FBRSL1: variants seen among roughly 807,000 people sequenced by gnomAD.
FBRSL1 encodes fibrosin-1-like protein.
In FBRSL1, 51 loss-of-function variants were observed where a neutral mutation model predicts 89.6. The observed-to-expected ratio is 0.57, with a 90% CI of 0.45 to 0.72. The LOEUF (loss-of-function observed/expected upper bound fraction) is 0.72, where lower values mean the gene tolerates loss of function less well. Among genes scored for constraint, FBRSL1 ranks in the 30% least tolerant of loss-of-function variants. The pLI, the probability that FBRSL1 is intolerant of heterozygous loss-of-function variation, is 0.00. For missense variants in FBRSL1, 1,618 were observed against 1,451.8 expected (o/e 1.11, Z -1.86); for synonymous variants, 779 against 681.1 (o/e 1.14, Z -2.24).
rs2037722117 is a variant in FBRSL1, at chr12:132,546,733, G to A, written c.616-1270G>A. ...CCCCCCCCACAGGCCCACCCCAGCT[G>A]CCCAGCTTCCCCAGGGGTCCCAGCT... On this transcript the variant is annotated intron_variant, in intron 4 of 18. Coordinates refer to ENST00000680143, the MANE Select transcript of FBRSL1 (RefSeq NM_001367871.1). The surrounding 1 kb of genome is among the most constrained non-coding windows in gnomAD (Gnocchi z 4.0). Among the ~76,000 whole-genome samples, 1 of 152,212 alleles carries A rather than the reference G, an allele frequency of 6.6e-6. No homozygotes were observed. The highest frequency in any genetic ancestry group is 2.1e-4 in the South Asian group (1 of 4,834).
At chr12:132,522,928 AG>A (rs771996779) in intron 2 of FBRSL1, among the ~76,000 whole-genome samples, 2 of 151,658 alleles carry the variant, frequency 1.3e-5, no homozygotes, top group South Asian at 2.1e-4. Context: ...TTGTCACTCT[AG>A]GGGGGGCAGG....
At chr12:132,515,225 C>G (rs1251752146) in intron 2 of FBRSL1, among the ~76,000 whole-genome samples, 1 of 152,144 alleles carries the variant, frequency 6.6e-6, no homozygotes. Flanking sequence ...ACAGACAAAC[C>G]AGACACACCA....
intron 10 of FBRSL1, 25 bp downstream of exon 10, chr12:132,572,369 G>GCGTGT: frequency 6.5e-7 from 1 of 1,550,258 alleles, no homozygotes; most frequent in Non-Finnish European, 8.7e-7. Flanking sequence ...GGGGCCCGGC[G>GCGTGT]CGTGTCGCTG....
intron 2 of FBRSL1, among the ~76,000 whole-genome samples, chr12:132,524,214 C>T (rs1297249107): frequency 6.6e-6 from 1 of 152,222 alleles, no homozygotes; most frequent in African/African-American, 2.4e-5. Flanking sequence ...CCTGTGAGGG[C>T]TACTGTGCAG....
chr12:132,562,573 C>CCCTG (rs1354702068), intron 5 of FBRSL1, among the ~76,000 whole-genome samples: 4 of 149,520 alleles, frequency 2.7e-5, no homozygotes, highest in Non-Finnish European at 5.9e-5. Context: ...GGACCCCGAC[C>CCCTG]CCGGGGACCG....
At chr12:132,511,616 C>T (rs1435685956) in intron 2 of FBRSL1, 27 of 985,512 alleles carry the variant, frequency 2.7e-5, no homozygotes, top group South Asian at 9.4e-5. Context: ...TGGACCCCTG[C>T]GCCACGTGAC....
At chr12:132,500,499 G>A (rs1189000782) in intron 1 of FBRSL1, among the ~76,000 whole-genome samples, 2 of 152,146 alleles carry the variant, frequency 1.3e-5, no homozygotes, top group African/African-American at 4.8e-5. Flanking sequence ...TCCCCCATAG[G>A]GCCAGCCGGT....
chr12:132,528,027 TG>T, intron 4 of FBRSL1, 39 bp downstream of exon 4: 1 of 1,545,988 alleles, frequency 6.5e-7, no homozygotes, highest in Non-Finnish European at 8.8e-7. Context: ...TTTGTCCCCC[TG>T]GGGCCTTAGG....
chr12:132,574,790 C>A (rs1459010068), intron 14 of FBRSL1, among the ~76,000 whole-genome samples: 1 of 152,112 alleles, frequency 6.6e-6, no homozygotes, highest in Non-Finnish European at 1.5e-5. Flanking sequence ...GCCCTCTCCT[C>A]GGCAAGGTGT....
Position 132,570,203 on chromosome 12 carries a change from C to G in FBRSL1, c.969C>G (p.Gly323=). The G allele has an allele frequency of 6.6e-7, 1 of 1,504,818 alleles. No individual in the cohort carries two copies. The highest frequency in any genetic ancestry group is 8.8e-7 in the Non-Finnish European group (1 of 1,135,140). The allele number at this position is 1,504,818 out of a possible 1,614,324, so 93.2% of individuals were successfully genotyped here. A position where few individuals can be genotyped will look rare whatever the true frequency, so the allele number is the denominator to read the frequency against. ...HVPASLGAFA[G]HSQAAANGLH... is the part of the protein sequence containing the mutation. ...CTGCATCCCTGGGCGCCTTCGCGGGCCACAGCCAGGCGGCAGCCAACGGCC... is the reference window on the plus strand; with the variant it reads ...CTGCATCCCTGGGCGCCTTCGCGGGGCACAGCCAGGCGGCAGCCAACGGCC... The change falls in exon 7 of 19, where the codon GGC becomes GGG. Residue 323 remains glycine, a synonymous_variant. Transcript: ENST00000680143.
intron 4 of FBRSL1, among the ~76,000 whole-genome samples, chr12:132,534,754 C>A (rs374302783): frequency 6.6e-6 from 1 of 152,240 alleles, no homozygotes; most frequent in East Asian, 1.9e-4. Flanking sequence ...TGGCTCAAGG[C>A]CCAGGCAGCT....
intron 4 of FBRSL1, among the ~76,000 whole-genome samples, chr12:132,537,849 C>T (rs1463827946): frequency 2.0e-5 from 3 of 152,220 alleles, no homozygotes; most frequent in Non-Finnish European, 2.9e-5. Flanking sequence ...ATGTTCTCAA[C>T]AGACAAGACC....
Position 132,563,543 on chromosome 12 carries a change from TC to T in FBRSL1, c.646-3936del, listed in dbSNP as rs745671355. Among the ~76,000 whole-genome samples, 257 of 152,216 alleles carry T rather than the reference TC, an allele frequency of 1.7e-3. 2 individuals are homozygous for T. Among genetic ancestry groups the T allele is most frequent in the Middle Eastern group, 0.01 (3 of 294 alleles). ...TTCTCATTGCGCTCTTGGATCTCCT[TC>T]CGTCTGTCCGTTTGCCTGTCCGTCT... On this transcript the variant is annotated intron_variant, in intron 5 of 18. Coordinates refer to ENST00000680143, the MANE Select transcript of FBRSL1 (RefSeq NM_001367871.1).
chr12:132,560,408 G>A (rs572734738), intron 5 of FBRSL1, among the ~76,000 whole-genome samples: 199 of 151,902 alleles, frequency 1.3e-3, no homozygotes, highest in African/African-American at 4.7e-3. Context: ...CGTGGCGGCG[G>A]GCGGGCGGGG....
chr12:132,497,525 C>T (rs2032236150), intron 1 of FBRSL1, among the ~76,000 whole-genome samples: 1 of 152,104 alleles, frequency 6.6e-6, no homozygotes. Flanking sequence ...TCCGGACTCC[C>T]CCTCCATACT....
At chr12:132,540,870 C>T (rs2037201113) in intron 4 of FBRSL1, among the ~76,000 whole-genome samples, 1 of 152,220 alleles carries the variant, frequency 6.6e-6, no homozygotes, top group Non-Finnish European at 1.5e-5. Flanking sequence ...AGCTCCAGGC[C>T]CTTGCTGAGT....
chr12:132,519,387 C>T (rs185863646), intron 2 of FBRSL1, among the ~76,000 whole-genome samples: 39 of 152,296 alleles, frequency 2.6e-4, no homozygotes, highest in Non-Finnish European at 4.0e-4. Context: ...TGGTGTTAGC[C>T]TGGAGGAGGG....
chr12:132,574,982 C>T (rs2040284983), intron 14 of FBRSL1, among the ~76,000 whole-genome samples: 1 of 151,958 alleles, frequency 6.6e-6, no homozygotes, highest in Non-Finnish European at 1.5e-5. Context: ...TGATGTGCAC[C>T]TGGGAAGGCT....
intron 2 of FBRSL1, among the ~76,000 whole-genome samples, chr12:132,525,234 G>A (rs1420332622): frequency 6.6e-6 from 1 of 152,260 alleles, no homozygotes; most frequent in Non-Finnish European, 1.5e-5. Context: ...AGGAGGTGCT[G>A]TGGGCACAGC....
Sources: allele counts gnomAD v4.1 joint callset (sites outside exome capture counted in the v4.1 genomes callset), GRCh38; gene constraint gnomAD v4.1.1; non-coding constraint Gnocchi (gnomAD v3.1); transcripts MANE v1.5; gene names NCBI Gene and HGNC (gene_info 2026-07-23, HGNC 2026-07-21).